The following EYS variants were observed in gnomAD, a reference collection of about 807,000 sequenced individuals.
EYS encodes protein eyes shut homolog.
In EYS, 250 loss-of-function variants were observed where a neutral mutation model predicts 282.1. The observed-to-expected ratio is 0.89, with a 90% confidence interval of 0.80 to 0.98. The LOEUF is 0.98. Among genes scored for constraint, EYS ranks in the 50% least tolerant of loss-of-function variants. The probability of loss-of-function intolerance (pLI) is 0.00; values close to 1 mark genes in which losing one functional copy is unlikely to be tolerated. For missense variants in EYS, 4,016 were observed against 3,709.0 expected (o/e 1.08, Z -2.15); for synonymous variants, 1,355 against 1,282.9 (o/e 1.06, Z -1.20).
intron 2 of EYS, among the ~76,000 whole-genome samples, chr6:65,623,427 T>G (rs920725342): frequency 6.6e-6 from 1 of 152,230 alleles, no homozygotes; most frequent in African/African-American, 2.4e-5. Context: ...ATATTTCAGG[T>G]GGCTTCAGCT....
chr6:65,656,301 T>G (rs1333723699), intron 1 of EYS, among the ~76,000 whole-genome samples: 1 of 151,882 alleles, frequency 6.6e-6, no homozygotes, highest in Admixed American at 6.6e-5. Context: ...AATCAAAAGC[T>G]AGAAATGATT....
At chr6:65,351,261 C>G (rs1332693539) in intron 9 of EYS, among the ~76,000 whole-genome samples, 1 of 151,658 alleles carries the variant, frequency 6.6e-6, no homozygotes, top group African/African-American at 2.4e-5. Context: ...CATTTAGATT[C>G]TCAGATGTAG....
intron 10 of EYS, among the ~76,000 whole-genome samples, chr6:65,336,402 T>A (rs890498577): frequency 2.0e-5 from 3 of 151,746 alleles, no homozygotes; most frequent in African/African-American, 7.2e-5. Context: ...ATAGTCAAAT[T>A]GTTTATACTC....
chr6:65,068,068 C>G (rs1359307537), intron 12 of EYS, among the ~76,000 whole-genome samples: 1 of 152,020 alleles, frequency 6.6e-6, no homozygotes, highest in Admixed American at 6.6e-5. Context: ...TTGACGTTAT[C>G]TTCTATGCCC....
chr6:64,742,263 T>G (rs1772401165), intron 22 of EYS, among the ~76,000 whole-genome samples: 1 of 152,136 alleles, frequency 6.6e-6, no homozygotes, highest in South Asian at 2.1e-4. Flanking sequence ...GAACACACAT[T>G]TACTGATTGT....
At position 64,145,194 on chromosome 6, in the gene EYS, C is replaced by A. The variant is rs76598982; in HGVS notation, c.6425-63192G>T. Reference sequence around the variant, plus strand: ...TTTTAATTTTCTTTTTACCATATTTCTCTATGCTTTTGTTTTAGGATTATA... The same window carrying A: ...TTTTAATTTTCTTTTTACCATATTTATCTATGCTTTTGTTTTAGGATTATA... On this transcript the variant is annotated intron_variant, in intron 31 of 42. Transcript: ENST00000503581. 4.7e-3 allele frequency among the ~76,000 whole-genome samples: 723 copies of A among 152,230 alleles called. 3 individuals carry two copies. Among genetic ancestry groups the A allele is most frequent in the African/African-American group, 0.015 (640 of 41,550 alleles).
At chr6:64,825,904 C>CAT (rs71860908) in intron 19 of EYS, among the ~76,000 whole-genome samples, 5,690 of 147,522 alleles carry the variant, frequency 0.039, 153 homozygotes, top group African/African-American at 0.084. Context: ...ATAAAGTGCA[C>CAT]ATATATATAT....
At chr6:63,802,426 G>C (rs373402216) in intron 37 of EYS, among the ~76,000 whole-genome samples, 1 of 151,464 alleles carries the variant, frequency 6.6e-6, no homozygotes, top group African/African-American at 2.4e-5. Flanking sequence ...TAACAAACCT[G>C]CACGTTCTGC....
At chr6:65,134,291 C>G (rs1273468333) in intron 12 of EYS, among the ~76,000 whole-genome samples, 1 of 152,064 alleles carries the variant, frequency 6.6e-6, no homozygotes, top group East Asian at 1.9e-4. Flanking sequence ...AAGACACATG[C>G]ATGCAAATAT....
chr6:64,999,852 C>T (rs889142927), intron 13 of EYS, among the ~76,000 whole-genome samples: 4 of 152,292 alleles, frequency 2.6e-5, no homozygotes, highest in African/African-American at 9.6e-5. Flanking sequence ...AGCACCCCAA[C>T]TCCAAGGGAA....
intron 12 of EYS, among the ~76,000 whole-genome samples, chr6:65,231,966 G>T (rs1305731748): frequency 6.6e-6 from 1 of 151,952 alleles, no homozygotes; most frequent in Non-Finnish European, 1.5e-5. Flanking sequence ...ATATGCCAGT[G>T]TAGGCAATGC....
rs1769975243 is a variant in EYS, at chr6:63,773,023, G to A, written c.7898+4983C>T. 2.0e-5 allele frequency among the ~76,000 whole-genome samples: 3 copies of A among 151,976 alleles called. No individual in the cohort carries two copies. In the South Asian group the frequency reaches 6.2e-4, roughly 32 times the overall value. On this transcript the variant is annotated intron_variant, in intron 40 of 42. Transcript: ENST00000503581. ...AATAAGTCCTGAGGATCACTCCATA[G>A]CAACATATAAAAGGTCTTTTTTTTA...
intron 22 of EYS, among the ~76,000 whole-genome samples, chr6:64,794,127 G>A (rs1045743077): frequency 1.9e-4 from 29 of 152,132 alleles, no homozygotes; most frequent in Non-Finnish European, 3.5e-4. Flanking sequence ...ATTTCACTTA[G>A]CATAATGTCC....
intron 12 of EYS, among the ~76,000 whole-genome samples, chr6:65,208,196 T>C (rs914630581): frequency 6.6e-6 from 1 of 151,596 alleles, no homozygotes; most frequent in Admixed American, 6.6e-5. Context: ...ATCAAACATA[T>C]GAAAAATGCT....
At chr6:64,016,489 A>ATTTT (rs11358904) in intron 33 of EYS, among the ~76,000 whole-genome samples, 1 of 138,346 alleles carries the variant, frequency 7.2e-6, no homozygotes, top group Non-Finnish European at 1.6e-5. Context: ...TACCTTTTTG[A>ATTTT]TTTTTTTTTT....
intron 29 of EYS, among the ~76,000 whole-genome samples, chr6:64,356,397 C>T (rs1771825211): frequency 6.6e-6 from 1 of 151,590 alleles, no homozygotes; most frequent in African/African-American, 2.4e-5. Context: ...TTAAATGCTA[C>T]ATTGGTGTCC....
At chr6:64,443,245 T>C (rs1775007841) in intron 26 of EYS, among the ~76,000 whole-genome samples, 1 of 152,174 alleles carries the variant, frequency 6.6e-6, no homozygotes, top group Non-Finnish European at 1.5e-5. Flanking sequence ...GACCTGTAGC[T>C]ACTTGGTTTT....
At chr6:64,063,503 C>A (rs1305040239) in intron 33 of EYS, among the ~76,000 whole-genome samples, 2 of 152,036 alleles carry the variant, frequency 1.3e-5, no homozygotes, top group Admixed American at 1.3e-4. Context: ...CACTTTAGTC[C>A]AAGCCACCAT....
chr6:65,649,434 C>G (rs1274992511), intron 1 of EYS, among the ~76,000 whole-genome samples: 2 of 151,982 alleles, frequency 1.3e-5, no homozygotes, highest in African/African-American at 4.8e-5. Flanking sequence ...CTAAAAGAAG[C>G]TGATTACTAA....
Sources: allele counts gnomAD v4.1 joint callset (sites outside exome capture counted in the v4.1 genomes callset), GRCh38; gene constraint gnomAD v4.1.1; transcripts MANE v1.5; gene names NCBI Gene and HGNC (gene_info 2026-07-23, HGNC 2026-07-21).